The following UBE3A variants were observed in gnomAD, a reference collection of about 807,000 sequenced individuals.
UBE3A encodes the protein ubiquitin-protein ligase E3A.
In UBE3A, 6 loss-of-function variants were observed where a neutral mutation model predicts 83.4. The observed-to-expected ratio is 0.07, with a 90% confidence interval of 0.04 to 0.14. The LOEUF (loss-of-function observed/expected upper bound fraction) is 0.14. Ranked by LOEUF, UBE3A falls within the 10% of genes least tolerant of loss-of-function variation. The pLI, the probability that UBE3A is intolerant of heterozygous loss-of-function variation, is 1.00. For synonymous variants in UBE3A, 337 were observed against 355.4 expected (o/e 0.95, Z 0.58); for missense variants, 456 against 1,036.1 (o/e 0.44, Z 7.69).
intron 4 of UBE3A, among the ~76,000 whole-genome samples, chr15:25,398,817 AAAT>A (rs2086377504): frequency 1.5e-5 from 1 of 65,850 alleles, no homozygotes; most frequent in Non-Finnish European, 3.5e-5. Flanking sequence ...ATATATATAA[AAAT>A]ACATATATAT....
chr15:25,387,113 T>C (rs1453849893), intron 4 of UBE3A, among the ~76,000 whole-genome samples: 2 of 152,214 alleles, frequency 1.3e-5, no homozygotes, highest in African/African-American at 4.8e-5. Context: ...TTGGGTTGTG[T>C]CCCAATACCA....
intron 11 of UBE3A, among the ~76,000 whole-genome samples, chr15:25,352,667 C>CT (rs760908050): frequency 2.0e-4 from 31 of 152,282 alleles, no homozygotes; most frequent in African/African-American, 6.5e-4. Context: ...CCTGTAATGT[C>CT]TTTTTTCTCT....
chr15:25,418,781 T>C (rs915540455), intron 1 of UBE3A: 3 of 152,112 alleles, frequency 2.0e-5, no homozygotes, highest in Non-Finnish European at 4.4e-5. Context: ...TGTCATTTTT[T>C]CATCAGGTGG....
chr15:25,382,399 A>AG (rs900566570), intron 4 of UBE3A, among the ~76,000 whole-genome samples: 5 of 152,024 alleles, frequency 3.3e-5, no homozygotes, highest in Admixed American at 2.6e-4. Context: ...TATATGATAA[A>AG]AAAAAAAGTA....
At position 25,339,059 on chromosome 15, in the gene UBE3A, C is replaced by CGTTA. The variant is rs1322812114; in HGVS notation, c.*74_*77dup. On this transcript the variant is annotated 3_prime_UTR_variant, in exon 13 of 13. Coordinates refer to ENST00000648336, the MANE Select transcript of UBE3A (RefSeq NM_130839.5). ...CTATCACCACCAAAAATTTATCCCTCGTTATATTTTTAAAATTTTTTAAAT... is the reference window on the plus strand; with the variant it reads ...CTATCACCACCAAAAATTTATCCCTCGTTAGTTATATTTTTAAAATTTTTTAAAT... 6 of 1,421,520 alleles carry CGTTA rather than the reference C, an allele frequency of 4.2e-6. No homozygotes were observed. The highest frequency in any genetic ancestry group is 5.5e-6 in the Non-Finnish European group (6 of 1,086,398). The allele number at this position is 1,421,520 out of a possible 1,614,324, so 88.1% of individuals were successfully genotyped here. A position where few individuals can be genotyped will look rare whatever the true frequency, so the allele number is the denominator to read the frequency against.
chr15:25,358,146 C>G (rs955617700), intron 7 of UBE3A, among the ~76,000 whole-genome samples: 1 of 151,896 alleles, frequency 6.6e-6, no homozygotes, highest in Non-Finnish European at 1.5e-5. Flanking sequence ...CTGAGGCAGG[C>G]AGATCACTTG....
At chr15:25,407,041 G>T in intron 3 of UBE3A, 1 of 1,332,296 alleles carries the variant, frequency 7.5e-7, no homozygotes, top group South Asian at 1.2e-5. Context: ...CCCCCAGGGA[G>T]CAAGCAAATC....
At chr15:25,357,286 G>C (rs973313721) in intron 7 of UBE3A, 1 of 170,616 alleles carries the variant, frequency 5.9e-6, no homozygotes, top group Non-Finnish European at 1.3e-5. Flanking sequence ...CATTTCCAAA[G>C]TGTTTCATTT....
At chr15:25,414,669 A>C (rs928695647) in intron 1 of UBE3A, among the ~76,000 whole-genome samples, 1 of 152,232 alleles carries the variant, frequency 6.6e-6, no homozygotes, top group Non-Finnish European at 1.5e-5. Context: ...GTCATATTCT[A>C]AAGAGTCTCT....
intron 11 of UBE3A, among the ~76,000 whole-genome samples, chr15:25,343,179 ATC>A (rs1456924021): frequency 1.3e-5 from 2 of 152,202 alleles, no homozygotes; most frequent in Non-Finnish European, 2.9e-5. Context: ...AAAAAGTAAC[ATC>A]TGTTATAGAA....
At chr15:25,342,680 G>A (rs1566837423) in intron 11 of UBE3A, among the ~76,000 whole-genome samples, 1 of 152,034 alleles carries the variant, frequency 6.6e-6, no homozygotes, top group African/African-American at 2.4e-5. Context: ...GTAAAACTAG[G>A]AGACAGAACA....
chr15:25,371,009 G>T lies in UBE3A; in HGVS notation c.1165C>A (p.His389Asn), dbSNP rs928551764. Residue 389 changes from histidine to asparagine, a missense_variant, in exon 6 of 13, where the codon CAC becomes AAC. His to Asn is a moderately conservative substitution (Grantham distance 68). Around this residue, in one of 13 missense-constraint regions of UBE3A, gnomAD observed 85 missense variants for 137.0 expected, o/e 0.62. Transcript: ENST00000648336. The surrounding 1 kb of genome is among the most constrained non-coding windows in gnomAD (Gnocchi z 5.3). Reference protein sequence around the residue: ...NVVGGEVDTNHNEEDDEEPIP... With the variant: ...NVVGGEVDTNNNEEDDEEPIP... ...GGCTCTTCATCATCTTCTTCATTGT[G>T]ATTTGTGTCCACTTCCCCTCCCACT... 1.9e-6 allele frequency: 3 copies of T among 1,613,858 alleles called. No individual in the cohort carries two copies. Among genetic ancestry groups the T allele is most frequent in the Non-Finnish European group, 2.5e-6 (3 of 1,180,010 alleles).
chr15:25,351,894 C>A (rs2152651450), intron 11 of UBE3A, among the ~76,000 whole-genome samples: 1 of 152,196 alleles, frequency 6.6e-6, no homozygotes, highest in Middle Eastern at 3.4e-3. Flanking sequence ...AGGTTTGATT[C>A]AGATTCAGAG....
chr15:25,408,648 T>C (rs1596286401), intron 3 of UBE3A: 2 of 1,613,676 alleles, frequency 1.2e-6, no homozygotes, highest in Non-Finnish European at 8.5e-7. Flanking sequence ...AGCTTCTCCA[T>C]CCTGCAAGCC....
rs192058897 is a variant in UBE3A at position 25,409,029 on chromosome 15, G to C, written c.20+59C>G. The C allele has an allele frequency of 4.5e-5, 68 of 1,511,766 alleles. No individual in the cohort carries two copies. The East Asian group carries it at 1.5e-3, about 33-fold the overall frequency. 93.6% of individuals were successfully genotyped at this position (1,511,766 alleles called of 1,614,324 possible). On this transcript the variant is annotated intron_variant, in intron 3 of 12. Coordinates refer to ENST00000648336, the MANE Select transcript of UBE3A (RefSeq NM_130839.5). The stretch of plus-strand genomic sequence containing the variant: ...ACTATACATTGTCTTCATTTTTACA[G>C]TATGTATTTCACTTTACAATGACAG...
At chr15:25,373,131 C>A (rs2080581334) in intron 5 of UBE3A, among the ~76,000 whole-genome samples, 1 of 152,112 alleles carries the variant, frequency 6.6e-6, no homozygotes, top group Non-Finnish European at 1.5e-5. Flanking sequence ...ACATCAGTAA[C>A]CTCTTCCCCA....
At chr15:25,356,124 C>T (rs905176415) in intron 8 of UBE3A, 68 bp from the exon 9 acceptor site, 13 of 1,565,590 alleles carry the variant, frequency 8.3e-6, no homozygotes, top group Non-Finnish European at 1.1e-5. Context: ...ATTTATATCA[C>T]TCTTCTTAGA....
At chr15:25,404,768 G>A (rs375992355) in intron 4 of UBE3A, among the ~76,000 whole-genome samples, 2 of 152,056 alleles carry the variant, frequency 1.3e-5, no homozygotes, top group East Asian at 1.9e-4. Flanking sequence ...CTACCTCTCA[G>A]CTAGTTTATG....
At chr15:25,340,747 G>C (rs1247722494) in intron 11 of UBE3A, among the ~76,000 whole-genome samples, 1 of 151,994 alleles carries the variant, frequency 6.6e-6, no homozygotes, top group African/African-American at 2.4e-5. Context: ...CCAACCAACT[G>C]GCCCCAAATG....
Sources: allele counts gnomAD v4.1 joint callset (sites outside exome capture counted in the v4.1 genomes callset), GRCh38; gene constraint gnomAD v4.1.1; regional missense constraint gnomAD v4.1.1; non-coding constraint Gnocchi (gnomAD v3.1); transcripts MANE v1.5; gene names NCBI Gene and HGNC (gene_info 2026-07-23, HGNC 2026-07-21).